The following SLC5A4 variants were observed in gnomAD, a reference collection of about 807,000 sequenced individuals.
SLC5A4 encodes solute carrier family 5 member 4, also known as probable glucose sensor protein SLC5A4.
In SLC5A4, 55 loss-of-function variants were observed where a neutral mutation model predicts 70.3. The ratio of observed to expected loss-of-function variants is 0.78; its 90% CI spans 0.63 to 0.98. The LOEUF (loss-of-function observed/expected upper bound fraction) is 0.98, where lower values mean the gene tolerates loss of function less well. Ranked by LOEUF, SLC5A4 falls within the 50% of genes least tolerant of loss-of-function variation. The pLI, the probability that SLC5A4 is intolerant of heterozygous loss-of-function variation, is 0.00. For missense variants in SLC5A4, 735 were observed against 839.2 expected, an observed-to-expected ratio of 0.88 and a Z score of 1.53; for synonymous variants, 268 against 305.7, an observed-to-expected ratio of 0.88 and a Z score of 1.29.
chr22:32,247,798 C>T (rs569867138), intron 4 of SLC5A4, among the ~76,000 whole-genome samples: 1 of 152,334 alleles, frequency 6.6e-6, no homozygotes, highest in African/African-American at 2.4e-5. Context: ...TTTCCCACTG[C>T]CGGTTGGGTG....
the SLC5A4 span, among the ~76,000 whole-genome samples, chr22:32,260,515 AAAAAACAAAACC>A: frequency 6.6e-6 from 1 of 151,896 alleles, no homozygotes; most frequent in Admixed American, 6.6e-5. Context: ...TGACAAAAAA[AAAAAACAAAACC>A]AAAAACAAAA....
chr22:32,325,523 G>A, the SLC5A4 span, among the ~76,000 whole-genome samples: 120 of 152,356 alleles, frequency 7.9e-4, no homozygotes, highest in African/African-American at 1.5e-3. Context: ...AGATGCTCCC[G>A]GCAGGGGTGA....
intron 5 of SLC5A4, 142 bp downstream of exon 5, chr22:32,247,269 C>T (rs1057151053): frequency 2.1e-5 from 13 of 621,710 alleles, no homozygotes; most frequent in Non-Finnish European, 3.5e-5. Flanking sequence ...TTTGAAGAGA[C>T]AGTCCTGAGA....
At chr22:32,251,149 CAAAAA>C (rs1169115054) in intron 3 of SLC5A4, among the ~76,000 whole-genome samples, 2 of 22,764 alleles carry the variant, frequency 8.8e-5, no homozygotes, top group African/African-American at 1.4e-4. Context: ...AACAAATAAG[CAAAAA>C]AAAAAAAAAA....
At chr22:32,323,986 A>T in the SLC5A4 span, among the ~76,000 whole-genome samples, 3 of 152,200 alleles carry the variant, frequency 2.0e-5, no homozygotes, top group African/African-American at 7.2e-5. Flanking sequence ...CCTGTGTGGC[A>T]GTCTTTGCAT....
At chr22:32,263,252 G>A in the SLC5A4 span, among the ~76,000 whole-genome samples, 2 of 151,188 alleles carry the variant, frequency 1.3e-5, no homozygotes, top group African/African-American at 4.9e-5. Flanking sequence ...AAGTGATTCA[G>A]CCTCCCAAAG....
Position 32,224,215 on chromosome 22 carries a change from C to T in SLC5A4, c.1665+52G>A, listed in dbSNP as rs185062554. The T allele has an allele frequency of 1.9e-3, 2,690 of 1,440,030 alleles. 52 individuals carry two copies. In the African/African-American group the frequency reaches 0.034, roughly 18 times the overall value. The allele number at this position is 1,440,030 out of a possible 1,614,324, so 89.2% of individuals were successfully genotyped here. On this transcript the variant is annotated intron_variant, in intron 13 of 14. Transcript: ENST00000266086. ...GATTACAGGCGTGAGCCACTGCGCC[C>T]GGCCAAGAACTCTTATTTAAAATTA...
intron 5 of SLC5A4, among the ~76,000 whole-genome samples, chr22:32,243,100 T>C (rs1049989895): frequency 1.3e-5 from 2 of 152,204 alleles, no homozygotes; most frequent in African/African-American, 2.4e-5. Context: ...AACATCACCA[T>C]TGAGGAACAG....
chr22:32,320,963 G>A, the SLC5A4 span, among the ~76,000 whole-genome samples: 1 of 152,174 alleles, frequency 6.6e-6, no homozygotes, highest in Non-Finnish European at 1.5e-5. Context: ...CCTTCCTAGG[G>A]AACTGCATTA....
At chr22:32,328,097 A>AAC in the SLC5A4 span, among the ~76,000 whole-genome samples, 3 of 108,826 alleles carry the variant, frequency 2.8e-5, no homozygotes, top group East Asian at 6.0e-4. Flanking sequence ...CCAACACACA[A>AAC]ACACACACAC....
At chr22:32,284,133 T>C in the SLC5A4 span, among the ~76,000 whole-genome samples, 2 of 152,138 alleles carry the variant, frequency 1.3e-5, no homozygotes, top group Non-Finnish European at 2.9e-5. Context: ...TAGGATGTGA[T>C]GTGTGGGAGG....
the SLC5A4 span, among the ~76,000 whole-genome samples, chr22:32,280,259 A>ACC: frequency 4.6e-5 from 7 of 150,994 alleles, no homozygotes; most frequent in African/African-American, 1.5e-4. Context: ...CAAGTGATCC[A>ACC]CCCCCCCTCA....
the SLC5A4 span, among the ~76,000 whole-genome samples, chr22:32,307,577 G>T: frequency 1.3e-5 from 2 of 152,182 alleles, no homozygotes; most frequent in Admixed American, 6.5e-5. Flanking sequence ...TTTCTAGGAG[G>T]ATCCTGACCT....
chr22:32,316,508 A>G, the SLC5A4 span, among the ~76,000 whole-genome samples: 1 of 148,160 alleles, frequency 6.7e-6, no homozygotes, highest in East Asian at 2.0e-4. Flanking sequence ...GAGAAAAAGC[A>G]GAGTATGCTA....
the SLC5A4 span, chr22:32,270,785 C>G: frequency 1.6e-6 from 1 of 608,184 alleles, no homozygotes; most frequent in East Asian, 3.3e-5. Context: ...ATCATGAGTG[C>G]CGACGGCCGC....
the SLC5A4 span, among the ~76,000 whole-genome samples, chr22:32,277,629 C>A: frequency 2.6e-5 from 4 of 152,140 alleles, no homozygotes; most frequent in African/African-American, 9.7e-5. Flanking sequence ...CTCACTACAA[C>A]CTCCGCTTCC....
chr22:32,241,781 G>A (rs904879935), intron 5 of SLC5A4, among the ~76,000 whole-genome samples: 3 of 141,660 alleles, frequency 2.1e-5, no homozygotes, highest in African/African-American at 8.7e-5. Context: ...ATATATGTGT[G>A]TGTGTGTGTG....
the SLC5A4 span, among the ~76,000 whole-genome samples, chr22:32,315,379 G>A: frequency 2.0e-5 from 3 of 152,094 alleles, no homozygotes; most frequent in Non-Finnish European, 4.4e-5. Flanking sequence ...ATAGTTGGAG[G>A]TCTAAATTAT....
At chr22:32,309,369 GTTT>G in the SLC5A4 span, among the ~76,000 whole-genome samples, 1 of 152,080 alleles carries the variant, frequency 6.6e-6, no homozygotes, top group Admixed American at 6.5e-5. Context: ...ATCCTCTTGT[GTTT>G]TTTTGTATTA....
Sources: allele counts gnomAD v4.1 joint callset (sites outside exome capture counted in the v4.1 genomes callset), GRCh38; gene constraint gnomAD v4.1.1; transcripts MANE v1.5; gene names NCBI Gene and HGNC (gene_info 2026-07-23, HGNC 2026-07-21).